VAT1L: variants seen among roughly 807,000 people sequenced by gnomAD.
VAT1L encodes the protein vesicle amine transport 1 like, also known as putative NADPH-dependent quinone oxidoreductase VAT1L.
A neutral mutation model predicts 44.1 loss-of-function variants in VAT1L; 34 were observed. That is an observed-to-expected ratio of 0.77 (90% CI 0.59 to 1.03). The LOEUF (loss-of-function observed/expected upper bound fraction) is 1.03, where lower values mean the gene tolerates loss of function less well. VAT1L is among the 50% of genes least tolerant of loss of function. The pLI, the probability that VAT1L is intolerant of heterozygous loss-of-function variation, is 0.00. For synonymous variants in VAT1L, 253 were observed against 202.2 expected, an observed-to-expected ratio of 1.25 and a Z score of -2.13; for missense variants, 615 against 538.8, an observed-to-expected ratio of 1.14 and a Z score of -1.40.
chr16:77,908,726 T>G (rs1249343654), intron 7 of VAT1L, among the ~76,000 whole-genome samples: 1 of 151,744 alleles, frequency 6.6e-6, no homozygotes, highest in Non-Finnish European at 1.5e-5. Context: ...CCATCCTGGC[T>G]AACACAGCGA....
At chr16:77,900,386 A>G (rs550212890) in intron 7 of VAT1L, among the ~76,000 whole-genome samples, 4 of 152,282 alleles carry the variant, frequency 2.6e-5, no homozygotes, top group Non-Finnish European at 5.9e-5. Context: ...ACTACAATAT[A>G]CAACATTTAG....
At chr16:77,823,214 C>T (rs540388593) in intron 2 of VAT1L, among the ~76,000 whole-genome samples, 96 of 152,056 alleles carry the variant, frequency 6.3e-4, no homozygotes, top group African/African-American at 2.3e-3. Context: ...TGACCCCACC[C>T]ACCATTCCCA....
chr16:77,816,871 C>G (rs770739006), intron 1 of VAT1L, 50 bp from the exon 2 acceptor site: 2 of 1,538,234 alleles, frequency 1.3e-6, no homozygotes, highest in South Asian at 2.5e-5. Flanking sequence ...TCGGTGCTTT[C>G]TTTTGGATCT....
intron 7 of VAT1L, among the ~76,000 whole-genome samples, chr16:77,932,165 G>C (rs1043771875): frequency 6.8e-6 from 1 of 146,032 alleles, no homozygotes; most frequent in African/African-American, 2.5e-5. Context: ...GTACAGTGGT[G>C]CGATCTTGGA....
chr16:77,933,865 T>C (rs1319804104), intron 7 of VAT1L, among the ~76,000 whole-genome samples: 1 of 152,160 alleles, frequency 6.6e-6, no homozygotes, highest in Non-Finnish European at 1.5e-5. Flanking sequence ...GTCAGAGAAG[T>C]AAGCAGATGG....
chr16:77,831,879 G>GCA (rs2016582470), intron 3 of VAT1L, among the ~76,000 whole-genome samples: 1 of 151,640 alleles, frequency 6.6e-6, no homozygotes, highest in Non-Finnish European at 1.5e-5. Flanking sequence ...GCAGTGGCTT[G>GCA]ATCTCGGCTC....
At chr16:77,929,582 G>C (rs2017705320) in intron 7 of VAT1L, among the ~76,000 whole-genome samples, 1 of 152,062 alleles carries the variant, frequency 6.6e-6, no homozygotes, top group African/African-American at 2.4e-5. Context: ...CATATCTCAA[G>C]ACACTAACAT....
At chr16:77,953,684 C>G (rs995615543) in intron 7 of VAT1L, among the ~76,000 whole-genome samples, 5 of 152,244 alleles carry the variant, frequency 3.3e-5, no homozygotes, top group Middle Eastern at 3.4e-3. Flanking sequence ...GCCACCACAT[C>G]CAACTGTCTT....
At position 77,817,000 on chromosome 16, in the gene VAT1L, G is replaced by A. The variant is rs774542947; in HGVS notation, c.313G>A (p.Glu105Lys). Residue 105 changes from glutamate (E) to lysine (K), a missense_variant, in exon 2 of 9, where the codon GAG becomes AAG. Glu to Lys is a moderately conservative substitution (Grantham distance 56, BLOSUM62 1). Transcript: ENST00000302536. ...CAAGACTCCCCTGGTGCCAGGATTTGAGTGTTCTGGGATTGTTGAAGCTCT... is the reference window on the plus strand; with the variant it reads ...CAAGACTCCCCTGGTGCCAGGATTTAAGTGTTCTGGGATTGTTGAAGCTCT... ...PPKTPLVPGF[E>K]CSGIVEALGD... 6.2e-7 allele frequency: 1 copy of A among 1,613,942 alleles called. No individual in the cohort carries two copies. The highest frequency in any genetic ancestry group is 1.3e-5 in the African/African-American group (1 of 74,920).
intron 7 of VAT1L, among the ~76,000 whole-genome samples, chr16:77,958,683 A>C (rs1270176867): frequency 6.6e-6 from 1 of 152,230 alleles, no homozygotes. Context: ...CTCTTGGTTC[A>C]ATGTTTAATT....
chr16:77,946,036 A>T (rs1337825269), intron 7 of VAT1L, among the ~76,000 whole-genome samples: 1 of 151,950 alleles, frequency 6.6e-6, no homozygotes, highest in African/African-American at 2.4e-5. Flanking sequence ...TGCTGACCGC[A>T]TGATCTGCCC....
chr16:77,942,880 G>A (rs966562700), intron 7 of VAT1L, among the ~76,000 whole-genome samples: 1 of 151,820 alleles, frequency 6.6e-6, no homozygotes, highest in Admixed American at 6.6e-5. Context: ...AAGTAGCTGG[G>A]ATTACAGGCA....
intron 7 of VAT1L, among the ~76,000 whole-genome samples, chr16:77,942,523 T>C (rs2017900776): frequency 6.6e-6 from 1 of 152,140 alleles, no homozygotes. Context: ...CTGGGTCAAA[T>C]GGTAGTTCTG....
At chr16:77,848,568 C>A (rs2145265777) in intron 3 of VAT1L, among the ~76,000 whole-genome samples, 1 of 152,268 alleles carries the variant, frequency 6.6e-6, no homozygotes, top group East Asian at 1.9e-4. Flanking sequence ...CTCCTTTACT[C>A]CTTACACCCA....
chr16:77,788,920 A>C lies in VAT1L; in HGVS notation c.233+5A>C. On this transcript the variant is annotated splice_donor_5th_base_variant and intron_variant, in intron 1 of 8. Transcript: ENST00000302536. ...CAAGATCCGCGTCAAAGCCTGGTCCAGTATCCGCGCCTTTCTCGCTTTCTC... is the reference window on the plus strand; with the variant it reads ...CAAGATCCGCGTCAAAGCCTGGTCCCGTATCCGCGCCTTTCTCGCTTTCTC... 6.7e-7 allele frequency: 1 copy of C among 1,488,518 alleles called. No individual in the cohort carries two copies. Among genetic ancestry groups the C allele is most frequent in the South Asian group, 1.3e-5 (1 of 74,156 alleles). 92.2% of individuals were successfully genotyped at this position (1,488,518 alleles called of 1,614,324 possible).
chr16:77,859,421 A>T (rs1345423675), intron 3 of VAT1L, among the ~76,000 whole-genome samples: 1 of 152,178 alleles, frequency 6.6e-6, no homozygotes, highest in Non-Finnish European at 1.5e-5. Flanking sequence ...AGGGAGTAGA[A>T]ATTGGAAAAG....
chr16:77,902,997 A>G (rs1270697365), intron 7 of VAT1L, among the ~76,000 whole-genome samples: 1 of 151,862 alleles, frequency 6.6e-6, no homozygotes, highest in African/African-American at 2.4e-5. Flanking sequence ...AAAAGAAAGA[A>G]AAAAAGTAAC....
At chr16:77,888,100 TCTCA>T (rs1394648412) in intron 7 of VAT1L, among the ~76,000 whole-genome samples, 1 of 152,206 alleles carries the variant, frequency 6.6e-6, no homozygotes, top group Non-Finnish European at 1.5e-5. Flanking sequence ...TTCCTTCAGG[TCTCA>T]GCCTCAGTAT....
intron 4 of VAT1L, among the ~76,000 whole-genome samples, chr16:77,875,835 A>T (rs1402536676): frequency 6.6e-6 from 1 of 152,140 alleles, no homozygotes; most frequent in Non-Finnish European, 1.5e-5. Flanking sequence ...CTGTAAAGGG[A>T]GGTTAGGAGG....
Sources: allele counts gnomAD v4.1 joint callset (sites outside exome capture counted in the v4.1 genomes callset), GRCh38; gene constraint gnomAD v4.1.1; transcripts MANE v1.5; gene names NCBI Gene and HGNC (gene_info 2026-07-23, HGNC 2026-07-21).